Variants in DNAH9 observed in about 807,000 individuals in gnomAD.
DNAH9 encodes the protein DNAH9 variant protein.
DNAH9 carries 345 observed loss-of-function variants against 471.6 expected under a neutral mutation model. The ratio of observed to expected loss-of-function variants is 0.73; its 90% CI spans 0.67 to 0.80. The LOEUF (loss-of-function observed/expected upper bound fraction) is 0.80, where lower values mean the gene tolerates loss of function less well. DNAH9 is among the 30% of genes least tolerant of loss of function. The probability of loss-of-function intolerance (pLI) is 0.00; values close to 1 mark genes in which losing one functional copy is unlikely to be tolerated. For missense variants in DNAH9, 5,407 were observed against 5,609.2 expected, an observed-to-expected ratio of 0.96 and a Z score of 1.15; for synonymous variants, 2,093 against 2,123.6, an observed-to-expected ratio of 0.99 and a Z score of 0.40.
At chr17:11,618,070 C>T (rs1378966677) in intron 5 of DNAH9, among the ~76,000 whole-genome samples, 1 of 152,216 alleles carries the variant, frequency 6.6e-6, no homozygotes, top group African/African-American at 2.4e-5. Context: ...CCTCACTCTC[C>T]TCCTCTGTAC....
At chr17:11,843,863 G>GTGTGTGTGTGTTTATATATATATATATA in intron 49 of DNAH9, among the ~76,000 whole-genome samples, 1 of 46,468 alleles carries the variant, frequency 2.2e-5, no homozygotes, top group South Asian at 6.9e-4. Flanking sequence ...GTGTGTGTGT[G>GTGTGTGTGTGTTTATATATATATATATA]TATATATATA....
At chr17:11,783,104 C>T (rs1377087242) in intron 39 of DNAH9, among the ~76,000 whole-genome samples, 1 of 152,114 alleles carries the variant, frequency 6.6e-6, no homozygotes, top group Non-Finnish European at 1.5e-5. Flanking sequence ...CAAGCTTGTC[C>T]AGCTGCCTTA....
At chr17:11,768,666 C>T in intron 37 of DNAH9, 40 bp downstream of exon 37, 2 of 1,597,706 alleles carry the variant, frequency 1.3e-6, no homozygotes, top group Non-Finnish European at 1.7e-6. Flanking sequence ...CGTGCAGTTG[C>T]CCTCAAGGAT....
At chr17:11,749,206 T>C (rs1375032822) in intron 32 of DNAH9, among the ~76,000 whole-genome samples, 1 of 150,566 alleles carries the variant, frequency 6.6e-6, no homozygotes, top group East Asian at 2.0e-4. Flanking sequence ...TGCCTCAGCC[T>C]CCCGAGTAGC....
chr17:11,665,713 C>T (rs1328760810), intron 15 of DNAH9, among the ~76,000 whole-genome samples: 1 of 152,194 alleles, frequency 6.6e-6, no homozygotes, highest in East Asian at 1.9e-4. Flanking sequence ...AGTTGCTTAG[C>T]AAATAACCTA....
In DNAH9 at chr17:11,623,130, T is replaced by C. The variant is rs185844891; in HGVS notation, c.1350+3349T>C. Among the ~76,000 whole-genome samples, 35 of 152,024 alleles carry C rather than the reference T, an allele frequency of 2.3e-4. No individual in the cohort carries two copies. Among genetic ancestry groups the C allele is most frequent in the Admixed American group, 1.1e-3 (17 of 15,268 alleles). On this transcript the variant is annotated intron_variant, in intron 6 of 68. Transcript: ENST00000262442. This position sits in a 1 kb window ranked among gnomAD's most constrained non-coding sequence, Gnocchi z 4.1. ...CTGGGATTACAGGCATGTGCCACCA[T>C]GCCTGGTTAATTTTTGTATTTTTAG...
chr17:11,756,891 A>C lies in DNAH9; in HGVS notation c.6847+215A>C, dbSNP rs769869643. ...TGCACAGAAGTGTCTAACTTAGGCT[A>C]CTTTTAGGCCAGTTCTAGCCTCCAC... is the stretch of plus-strand genomic sequence containing the variant. On this transcript the variant is annotated intron_variant, in intron 34 of 68. Transcript: ENST00000262442. Among the ~76,000 whole-genome samples the C allele has an allele frequency of 2.6e-5, 4 of 152,234 alleles. No homozygotes were observed. The South Asian group carries it at 6.2e-4, about 24-fold the overall frequency.
In DNAH9 at chr17:11,669,981, A is replaced by G. The variant is rs368747140; in HGVS notation, c.3353+187A>G. On this transcript the variant is annotated intron_variant, in intron 17 of 68. Coordinates refer to ENST00000262442, the MANE Select transcript of DNAH9 (RefSeq NM_001372.4). ...TCCTGCCCTTTTCTTTGTTCACCAG[A>G]TAAGGCCTCTTTGTTTTGTTTTCTG... Among the ~76,000 whole-genome samples, 7 of 152,302 alleles carry G rather than the reference A, an allele frequency of 4.6e-5. 1 individual carries two copies. In the East Asian group the frequency reaches 7.7e-4, roughly 17 times the overall value.
chr17:11,765,599 A>G (rs571157392), intron 36 of DNAH9, among the ~76,000 whole-genome samples: 7 of 152,302 alleles, frequency 4.6e-5, no homozygotes, highest in African/African-American at 1.4e-4. Context: ...CCCCAGAGAC[A>G]GATGCCCTGG....
At chr17:11,881,882 A>G (rs941280125) in intron 55 of DNAH9, among the ~76,000 whole-genome samples, 2 of 151,626 alleles carry the variant, frequency 1.3e-5, no homozygotes, top group Non-Finnish European at 2.9e-5. Flanking sequence ...ACTGCACTCC[A>G]GCCTGGAAAT....
At chr17:11,883,492 T>C in intron 55 of DNAH9, 94 bp from the exon 56 acceptor site, 1 of 1,472,426 alleles carries the variant, frequency 6.8e-7, no homozygotes, top group Non-Finnish European at 9.2e-7. Flanking sequence ...TTTACTATCT[T>C]TAAGGCAAGG....
At position 11,647,065 on chromosome 17, in the gene DNAH9, C is replaced by T. The variant is rs2150695221; in HGVS notation, c.1971-7C>T. ...TATGAGGTGGCTGTTGTCTCTGACC[C>T]TTGCAGGTATGAGACAAGACTTTAT... On this transcript the variant is annotated splice_region_variant and splice_polypyrimidine_tract_variant and intron_variant, in intron 11 of 68. Coordinates refer to ENST00000262442, the MANE Select transcript of DNAH9 (RefSeq NM_001372.4). 1 of 1,613,448 alleles carries T rather than the reference C, an allele frequency of 6.2e-7. No homozygotes were observed. The highest frequency in any genetic ancestry group is 8.5e-7 in the Non-Finnish European group (1 of 1,179,634).
rs187801075 is a variant in DNAH9, at chr17:11,869,761, G to A, written c.10053+508G>A. ...AATCAAGTCTGCAGGTCAGGGCAGC[G>A]GTGCTTGTGTTATGGGTGTTTGTTT... On this transcript the variant is annotated intron_variant, in intron 51 of 68. Transcript: ENST00000262442. Among the ~76,000 whole-genome samples, 20 of 152,282 alleles carry A rather than the reference G, an allele frequency of 1.3e-4. No homozygotes were observed. In the East Asian group the frequency reaches 3.5e-3, roughly 26 times the overall value.
rs79861471 is a variant in DNAH9 at position 11,779,354 on chromosome 17, A to G, written c.7553-1655A>G. ...AACCCTCTTCTTCTCCTCCAATTCT[A>G]CTTGGAAACAGAGTAGCTCACTGTA... On this transcript the variant is annotated intron_variant, in intron 38 of 68. Transcript: ENST00000262442. Among the ~76,000 whole-genome samples the G allele has an allele frequency of 1.2e-4, 18 of 152,230 alleles. No homozygotes were observed. The East Asian group carries it at 3.3e-3, about 28-fold the overall frequency.
chr17:11,844,399 T>A (rs927424450), intron 49 of DNAH9, among the ~76,000 whole-genome samples: 6 of 152,182 alleles, frequency 3.9e-5, no homozygotes, highest in Non-Finnish European at 7.4e-5. Context: ...TTTGTTTTAG[T>A]CATTTCCTTT....
intron 68 of DNAH9, among the ~76,000 whole-genome samples, chr17:11,968,648 T>C (rs1368947541): frequency 6.6e-6 from 1 of 152,188 alleles, no homozygotes; most frequent in African/African-American, 2.4e-5. Context: ...AAGCACCACT[T>C]CCCAAATTTA....
chr17:11,913,006 A>G (rs1373912400), intron 61 of DNAH9, among the ~76,000 whole-genome samples: 1 of 152,084 alleles, frequency 6.6e-6, no homozygotes, highest in Non-Finnish European at 1.5e-5. Context: ...CATCTCTACT[A>G]AAAACACAAA....
rs34054327 is a variant in DNAH9 at position 11,959,649 on chromosome 17, G to GA, written c.12844-2212dup. ...AGCAGATCCTTAGGGAAATCTACCA[G>GA]AAAAAACTTGCTCATCAAATTCGGG... On this transcript the variant is annotated intron_variant, in intron 67 of 68. Transcript: ENST00000262442. 2.6e-5 allele frequency among the ~76,000 whole-genome samples: 4 copies of GA among 152,246 alleles called. No homozygotes were observed. The East Asian group carries it at 5.8e-4, about 22-fold the overall frequency.
intron 38 of DNAH9, among the ~76,000 whole-genome samples, chr17:11,773,836 G>C (rs933921593): frequency 5.9e-5 from 9 of 152,212 alleles, no homozygotes; most frequent in Non-Finnish European, 1.2e-4. Flanking sequence ...AGCCTTATGA[G>C]TGCAGCTAAT....
Sources: gnomAD v4.1 joint callset for allele counts (sites outside exome capture counted in the v4.1 genomes callset) on GRCh38, gnomAD v4.1.1 for gene constraint, Gnocchi (gnomAD v3.1) non-coding constraint, MANE v1.5 for transcripts, NCBI Gene and HGNC (gene_info 2026-07-23, HGNC 2026-07-21) for gene names.